PROM1: variants seen among roughly 807,000 people sequenced by gnomAD.
PROM1 encodes prominin-1.
In PROM1, 105 loss-of-function variants were observed where a neutral mutation model predicts 116.9. That is an observed-to-expected ratio of 0.90 (90% CI 0.77 to 1.06). PROM1 has a LOEUF of 1.06. Among genes scored for constraint, PROM1 ranks in the 50% least tolerant of loss-of-function variants. PROM1 has a pLI of 0.00. For synonymous variants in PROM1, 393 were observed against 387.0 expected (o/e 1.02, Z -0.18); for missense variants, 1,122 against 1,045.2 (o/e 1.07, Z -1.01).
intron 13 of PROM1, among the ~76,000 whole-genome samples, chr4:16,002,722 G>A (rs1263228341): frequency 6.6e-6 from 1 of 152,116 alleles, no homozygotes; most frequent in Non-Finnish European, 1.5e-5. Context: ...TCTGTGTGTT[G>A]GAGTTAAACA....
chr4:16,056,407 G>T (rs1012339684), intron 2 of PROM1, among the ~76,000 whole-genome samples: 1 of 152,114 alleles, frequency 6.6e-6, no homozygotes, highest in Non-Finnish European at 1.5e-5. Context: ...CAATTATGGG[G>T]TACTTGCTGC....
intron 2 of PROM1, among the ~76,000 whole-genome samples, chr4:16,053,560 C>G (rs1409978743): frequency 2.0e-5 from 3 of 152,104 alleles, no homozygotes; most frequent in Admixed American, 6.5e-5. Flanking sequence ...TTCTTATTAA[C>G]TTTGGTAATT....
chr4:15,974,068 T>TAC (rs1461477765), intron 26 of PROM1, among the ~76,000 whole-genome samples: 3 of 151,214 alleles, frequency 2.0e-5, no homozygotes, highest in Non-Finnish European at 4.4e-5. Flanking sequence ...AGAGTAAGTT[T>TAC]ACACACACAC....
At chr4:16,060,597 G>A (rs1335038777) in intron 2 of PROM1, among the ~76,000 whole-genome samples, 1 of 152,100 alleles carries the variant, frequency 6.6e-6, no homozygotes, top group East Asian at 1.9e-4. Context: ...GTGCATGTGT[G>A]TCTAAAACAT....
intron 11 of PROM1, among the ~76,000 whole-genome samples, chr4:16,009,473 T>C (rs1654491922): frequency 6.6e-6 from 1 of 152,200 alleles, no homozygotes; most frequent in African/African-American, 2.4e-5. Flanking sequence ...GATATTCTCA[T>C]TCCCCATTTT....
intron 2 of PROM1, among the ~76,000 whole-genome samples, chr4:16,050,363 G>C (rs184100880): frequency 1.4e-4 from 22 of 151,948 alleles, no homozygotes; most frequent in African/African-American, 5.3e-4. Flanking sequence ...TTTGGTTTTT[G>C]TTTTCTTTGA....
At chr4:16,061,061 C>A (rs2149510903) in intron 2 of PROM1, among the ~76,000 whole-genome samples, 1 of 152,212 alleles carries the variant, frequency 6.6e-6, no homozygotes, top group Middle Eastern at 3.4e-3. Context: ...GCTGGGGACT[C>A]CTGTTGGCTT....
At position 15,994,050 on chromosome 4, in the gene PROM1, G is replaced by A; in HGVS notation, c.1704C>T (p.Gly568=). The stretch of plus-strand genomic sequence containing the variant: ...TCTGCAGGTGAAGAGTGCCGTAAGT[G>A]CCTCTATTTTTTTTGCAGTCACTGT... The part of the protein sequence containing the change: ...QVYSDCKKNR[G]TYGTLHLQNS... Residue 568 remains glycine (G), a synonymous_variant, in exon 16 of 28, where the codon GGC becomes GGT. Coordinates refer to ENST00000447510, the MANE Select transcript of PROM1 (RefSeq NM_006017.3). 3.1e-6 allele frequency: 5 copies of A among 1,613,904 alleles called. No individual in the cohort carries two copies. The highest frequency in any genetic ancestry group is 1.6e-4 in the Middle Eastern group (1 of 6,062).
At chr4:16,046,618 AAAG>A (rs1313025408) in intron 2 of PROM1, among the ~76,000 whole-genome samples, 1 of 152,252 alleles carries the variant, frequency 6.6e-6, no homozygotes, top group Non-Finnish European at 1.5e-5. Flanking sequence ...CGGAAAAGAA[AAAG>A]AAGGAAAACA....
intron 2 of PROM1, among the ~76,000 whole-genome samples, chr4:16,051,354 G>A (rs1737849203): frequency 6.6e-6 from 1 of 152,208 alleles, no homozygotes; most frequent in Admixed American, 6.5e-5. Context: ...TGGGCAGGTG[G>A]CTTAGCCACT....
At chr4:16,038,900 C>A (rs1157253755) in intron 3 of PROM1, 46 bp downstream of exon 3, 20 of 1,433,628 alleles carry the variant, frequency 1.4e-5, no homozygotes, top group Non-Finnish European at 1.8e-5. Flanking sequence ...CAAAATTTTT[C>A]TCATACTTCG....
Position 16,073,249 on chromosome 4 carries a change from G to A in PROM1, c.220+2438C>T, listed in dbSNP as rs189577480. ...TCTATGAAGATATTACTCCACAGACGACCTGTCCTGAAGTCTTGTGTTTGG... is the reference window on the plus strand; with the variant it reads ...TCTATGAAGATATTACTCCACAGACAACCTGTCCTGAAGTCTTGTGTTTGG... On this transcript the variant is annotated intron_variant, in intron 2 of 27. Coordinates refer to ENST00000447510, the MANE Select transcript of PROM1 (RefSeq NM_006017.3). Among the ~76,000 whole-genome samples the A allele has an allele frequency of 2.8e-3, 432 of 152,282 alleles. 5 individuals are homozygous for A. Among genetic ancestry groups the A allele is most frequent in the African/African-American group, 9.8e-3 (409 of 41,550 alleles).
At chr4:16,071,108 T>C (rs1458218893) in intron 2 of PROM1, among the ~76,000 whole-genome samples, 1 of 152,180 alleles carries the variant, frequency 6.6e-6, no homozygotes, top group Non-Finnish European at 1.5e-5. Flanking sequence ...TTCCCTTTTG[T>C]TTCATTTTGA....
intron 12 of PROM1, among the ~76,000 whole-genome samples, chr4:16,008,143 T>C (rs1725981033): frequency 6.6e-6 from 1 of 152,230 alleles, no homozygotes; most frequent in Admixed American, 6.5e-5. Context: ...TGTGGTCTTG[T>C]ATAAGAAATA....
chr4:16,041,330 C>T (rs1315299065), intron 2 of PROM1, among the ~76,000 whole-genome samples: 2 of 151,982 alleles, frequency 1.3e-5, no homozygotes, highest in Non-Finnish European at 2.9e-5. Context: ...ATGAGTACAG[C>T]TCTTTTTATT....
chr4:15,976,781 G>A (rs1716245768), intron 26 of PROM1, among the ~76,000 whole-genome samples: 1 of 152,198 alleles, frequency 6.6e-6, no homozygotes, highest in South Asian at 2.1e-4. Flanking sequence ...CAGTGCATCT[G>A]CTTCTCAGGG....
At chr4:15,974,950 T>C (rs1004213364) in intron 26 of PROM1, among the ~76,000 whole-genome samples, 2 of 152,196 alleles carry the variant, frequency 1.3e-5, no homozygotes, top group African/African-American at 4.8e-5. Flanking sequence ...ACAGAAGGTA[T>C]CATGAGGTGT....
At chr4:16,003,251 A>G (rs1403129508) in intron 13 of PROM1, 1 of 456,002 alleles carries the variant, frequency 2.2e-6, no homozygotes, top group African/African-American at 2.0e-5. Flanking sequence ...CTACAGCTGG[A>G]CATGTAGGCT....
chr4:16,018,496 A>G lies in PROM1; in HGVS notation c.829T>C (p.Leu277=). The G allele has an allele frequency of 6.2e-7, 1 of 1,612,656 alleles. No individual in the cohort carries two copies. Among genetic ancestry groups the G allele is most frequent in the South Asian group, 1.1e-5 (1 of 90,918 alleles). ...KEALENMNST[L]KSLHQQSTQL... ...GTACTTTGTTGGTGCAAGCTCTTCA[A>G]GGTGCTGTTCATGTTCTCCAACGCC... The change falls in exon 9 of 28, where the codon TTG becomes CTG. Residue 277 remains leucine, a synonymous_variant. Transcript: ENST00000447510.
Sources: gnomAD v4.1 joint callset for allele counts (sites outside exome capture counted in the v4.1 genomes callset) on GRCh38, gnomAD v4.1.1 for gene constraint, MANE v1.5 for transcripts, NCBI Gene and HGNC (gene_info 2026-07-23, HGNC 2026-07-21) for gene names.